UNC5D: variants seen among roughly 807,000 people sequenced by gnomAD.
The protein encoded by UNC5D is unc-5 netrin receptor D.
Under a neutral mutation model 105.4 loss-of-function variants are expected in UNC5D, and 39 were observed. The ratio of observed to expected loss-of-function variants is 0.37; its 90% CI spans 0.29 to 0.48. UNC5D has a LOEUF of 0.48. Ranked by LOEUF, UNC5D falls within the 20% of genes least tolerant of loss-of-function variation. The probability of loss-of-function intolerance (pLI) is 0.98; values close to 1 mark genes in which losing one functional copy is unlikely to be tolerated. For synonymous variants in UNC5D, 452 were observed against 450.4 expected, an observed-to-expected ratio of 1.00 and a Z score of -0.04; for missense variants, 991 against 1,202.4, an observed-to-expected ratio of 0.82 and a Z score of 2.60.
At chr8:35,260,206 C>T (rs1256179747) in intron 1 of UNC5D, among the ~76,000 whole-genome samples, 1 of 152,098 alleles carries the variant, frequency 6.6e-6, no homozygotes, top group African/African-American at 2.4e-5. Context: ...AGGTGAGAAA[C>T]AAATAACTTA....
At chr8:35,728,035 G>A (rs1489299296) in intron 10 of UNC5D, among the ~76,000 whole-genome samples, 1 of 121,940 alleles carries the variant, frequency 8.2e-6, no homozygotes, top group Non-Finnish European at 1.6e-5. Flanking sequence ...CTAGGAATTC[G>A]AGACCAGCGA....
At chr8:35,265,912 T>C (rs1804838078) in intron 1 of UNC5D, among the ~76,000 whole-genome samples, 1 of 150,348 alleles carries the variant, frequency 6.7e-6, no homozygotes, top group Non-Finnish European at 1.5e-5. Context: ...ATAATATATC[T>C]GGGATTAGCA....
intron 4 of UNC5D, among the ~76,000 whole-genome samples, chr8:35,625,720 T>A (rs192923905): frequency 1.3e-5 from 2 of 152,326 alleles, no homozygotes; most frequent in African/African-American, 4.8e-5. Context: ...TAGTTATAGA[T>A]CTTGGTTTTT....
At chr8:35,658,034 C>T (rs1045396984) in intron 4 of UNC5D, among the ~76,000 whole-genome samples, 1 of 152,150 alleles carries the variant, frequency 6.6e-6, no homozygotes, top group African/African-American at 2.4e-5. Context: ...AACAGGAAGG[C>T]ATCATAATAT....
Position 35,722,873 on chromosome 8 carries a change from G to T in UNC5D, c.1303+478G>T, listed in dbSNP as rs184086218. ...ACAGATTTTAGAGAATAGATGATGGGTCAGCTAGCCAGGGGAAAAAAAATG... is the reference window on the plus strand; with the variant it reads ...ACAGATTTTAGAGAATAGATGATGGTTCAGCTAGCCAGGGGAAAAAAAATG... On this transcript the variant is annotated intron_variant, in intron 9 of 16. Coordinates refer to ENST00000404895, the MANE Select transcript of UNC5D (RefSeq NM_080872.4). Among the ~76,000 whole-genome samples the T allele has an allele frequency of 3.9e-5, 6 of 152,144 alleles. No homozygotes were observed. In the East Asian group the frequency reaches 1.2e-3, roughly 30 times the overall value.
intron 4 of UNC5D, among the ~76,000 whole-genome samples, chr8:35,658,620 T>A (rs947217803): frequency 2.1e-4 from 32 of 150,414 alleles, no homozygotes; most frequent in African/African-American, 7.1e-4. Context: ...GGAAGTGACC[T>A]TAAAGGGAGG....
At chr8:35,305,015 C>G (rs1382329467) in intron 1 of UNC5D, among the ~76,000 whole-genome samples, 2 of 152,060 alleles carry the variant, frequency 1.3e-5, no homozygotes, top group Non-Finnish European at 2.9e-5. Flanking sequence ...AGAATTGAAG[C>G]AGTGCCATTG....
At chr8:35,531,108 T>G (rs1195942139) in intron 1 of UNC5D, among the ~76,000 whole-genome samples, 63 of 130,740 alleles carry the variant, frequency 4.8e-4, no homozygotes, top group African/African-American at 1.6e-3. Flanking sequence ...TGTTTGCTCT[T>G]GCTTTTCTAG....
chr8:35,789,159 A>G (rs1301076895), intron 16 of UNC5D, among the ~76,000 whole-genome samples: 1 of 86,656 alleles, frequency 1.2e-5, no homozygotes, highest in Admixed American at 1.3e-4. Flanking sequence ...ATATATATAT[A>G]TATATATATA....
intron 2 of UNC5D, among the ~76,000 whole-genome samples, chr8:35,558,324 C>T (rs1284338797): frequency 6.6e-6 from 1 of 151,680 alleles, no homozygotes; most frequent in Admixed American, 6.6e-5. Flanking sequence ...TGGTAGGGGA[C>T]CTGTGGCAAA....
intron 4 of UNC5D, among the ~76,000 whole-genome samples, chr8:35,622,131 CAA>C (rs1821397370): frequency 2.0e-5 from 3 of 152,082 alleles, no homozygotes; most frequent in Admixed American, 2.0e-4. Context: ...ATCATGAAGT[CAA>C]GAGATCGAGA....
chr8:35,423,992 G>A (rs527510036), intron 1 of UNC5D, among the ~76,000 whole-genome samples: 1 of 152,080 alleles, frequency 6.6e-6, no homozygotes, highest in Admixed American at 6.6e-5. Flanking sequence ...TAGAGATGGG[G>A]TCTTGCTATG....
At chr8:35,781,926 A>G (rs1802519305) in intron 16 of UNC5D, among the ~76,000 whole-genome samples, 1 of 152,200 alleles carries the variant, frequency 6.6e-6, no homozygotes, top group African/African-American at 2.4e-5. Flanking sequence ...TGATGAGGGA[A>G]ATTTTATTGC....
chr8:35,442,885 T>TTCTC (rs150886923), intron 1 of UNC5D, among the ~76,000 whole-genome samples: 20,753 of 135,190 alleles, frequency 0.15, 1,619 homozygotes, highest in Non-Finnish European at 0.2. Context: ...CTCTCTCTGT[T>TTCTC]TCTCTCTCTC....
intron 12 of UNC5D, among the ~76,000 whole-genome samples, chr8:35,750,141 G>GTT (rs894144853): frequency 6.6e-6 from 1 of 151,422 alleles, no homozygotes; most frequent in African/African-American, 2.4e-5. Context: ...CATTTCTTGA[G>GTT]TTTTTTTTTC....
chr8:35,415,299 G>C (rs1805457298), intron 1 of UNC5D, among the ~76,000 whole-genome samples: 1 of 152,046 alleles, frequency 6.6e-6, no homozygotes. Context: ...CACATGAATG[G>C]GTGATTCTGA....
At chr8:35,512,835 G>A (rs1812847187) in intron 1 of UNC5D, among the ~76,000 whole-genome samples, 1 of 151,838 alleles carries the variant, frequency 6.6e-6, no homozygotes, top group South Asian at 2.1e-4. Context: ...AGATGAGGTT[G>A]TAGAAGTGTT....
chr8:35,746,481 A>T (rs934459392), intron 11 of UNC5D, among the ~76,000 whole-genome samples: 1 of 152,200 alleles, frequency 6.6e-6, no homozygotes, highest in Non-Finnish European at 1.5e-5. Context: ...TAGGAGGATT[A>T]AATATAAATC....
chr8:35,477,857 C>G (rs1457987147), intron 1 of UNC5D, among the ~76,000 whole-genome samples: 1 of 151,940 alleles, frequency 6.6e-6, no homozygotes, highest in African/African-American at 2.4e-5. Flanking sequence ...AATGACCACT[C>G]TTATTGAGTT....
Sources: allele counts gnomAD v4.1 joint callset (sites outside exome capture counted in the v4.1 genomes callset), GRCh38; gene constraint gnomAD v4.1.1; transcripts MANE v1.5; gene names NCBI Gene and HGNC (gene_info 2026-07-23, HGNC 2026-07-21).